SOBP: variants seen among roughly 807,000 people sequenced by gnomAD.
SOBP encodes sine oculis-binding protein homolog.
A neutral mutation model predicts 53.6 loss-of-function variants in SOBP; 4 were observed. That is an observed-to-expected ratio of 0.07 (90% CI 0.04 to 0.17). The LOEUF is 0.17. SOBP is among the 10% of genes least tolerant of loss of function. The probability of loss-of-function intolerance (pLI) is 1.00; values close to 1 mark genes in which losing one functional copy is unlikely to be tolerated. For synonymous variants in SOBP, 584 were observed against 522.6 expected (o/e 1.12, Z -1.60); for missense variants, 1,088 against 1,204.7 (o/e 0.90, Z 1.43).
At chr6:107,504,335 G>A (rs1782922889) in intron 2 of SOBP, among the ~76,000 whole-genome samples, 1 of 152,192 alleles carries the variant, frequency 6.6e-6, no homozygotes, top group African/African-American at 2.4e-5. Flanking sequence ...GAGTAAGAGA[G>A]TGGTAGATGA....
chr6:107,533,273 A>G (rs867130923), intron 3 of SOBP, among the ~76,000 whole-genome samples, 186 bp from the exon 4 acceptor site: 14 of 117,924 alleles, frequency 1.2e-4, no homozygotes, highest in African/African-American at 6.2e-4. Flanking sequence ...TTAGGAGCCA[A>G]AAAAAAAAAA....
intron 5 of SOBP, among the ~76,000 whole-genome samples, chr6:107,614,852 GC>G (rs1188061733): frequency 6.6e-6 from 1 of 152,188 alleles, no homozygotes; most frequent in Non-Finnish European, 1.5e-5. Context: ...TTTAAAATAT[GC>G]CCCTCCTTGT....
At chr6:107,624,292 C>T (rs1484104718) in intron 5 of SOBP, among the ~76,000 whole-genome samples, 1 of 152,156 alleles carries the variant, frequency 6.6e-6, no homozygotes, top group Admixed American at 6.5e-5. Flanking sequence ...TTAAGAGGGG[C>T]ATTAACAAGG....
At chr6:107,578,696 G>A (rs1272873557) in intron 4 of SOBP, among the ~76,000 whole-genome samples, 1 of 152,194 alleles carries the variant, frequency 6.6e-6, no homozygotes, top group Non-Finnish European at 1.5e-5. Flanking sequence ...TGCAAGAAAA[G>A]CTGTAGAAAT....
intron 4 of SOBP, among the ~76,000 whole-genome samples, chr6:107,576,177 T>C (rs1314178550): frequency 1.3e-5 from 2 of 152,204 alleles, no homozygotes; most frequent in East Asian, 1.9e-4. Context: ...CAAAATCATG[T>C]TTGAACTTCA....
intron 3 of SOBP, chr6:107,514,977 T>C (rs1199494093): frequency 6.6e-6 from 1 of 152,198 alleles, no homozygotes; most frequent in African/African-American, 2.4e-5. Flanking sequence ...TTTGAACAAA[T>C]AGTGAATGAA....
intron 4 of SOBP, among the ~76,000 whole-genome samples, chr6:107,542,767 T>G (rs907766124): frequency 9.2e-5 from 13 of 140,798 alleles, no homozygotes; most frequent in African/African-American, 2.9e-4. Context: ...GTGTGTTTTG[T>G]TTTTTTTTTG....
chr6:107,505,615 G>A (rs953598186), intron 2 of SOBP, among the ~76,000 whole-genome samples: 6 of 151,426 alleles, frequency 4.0e-5, no homozygotes, highest in Admixed American at 6.6e-5. Context: ...GAGCCACTGC[G>A]CCTAGTCACC....
At chr6:107,520,677 G>T (rs1447815153) in intron 3 of SOBP, among the ~76,000 whole-genome samples, 4 of 152,202 alleles carry the variant, frequency 2.6e-5, no homozygotes, top group African/African-American at 7.2e-5. Context: ...CTTGTTAGAG[G>T]GTGGCCGTGT....
At chr6:107,518,072 G>A (rs1783372818) in intron 3 of SOBP, among the ~76,000 whole-genome samples, 2 of 152,092 alleles carry the variant, frequency 1.3e-5, no homozygotes, top group South Asian at 4.1e-4. Context: ...GCAAATCACT[G>A]AGTACCAGAT....
intron 1 of SOBP, among the ~76,000 whole-genome samples, chr6:107,491,313 C>G (rs1001252184): frequency 4.6e-5 from 7 of 152,222 alleles, no homozygotes; most frequent in Non-Finnish European, 1.0e-4. Context: ...TGGCAGCCTC[C>G]GCCTCCCGCT....
intron 4 of SOBP, among the ~76,000 whole-genome samples, chr6:107,552,546 A>G (rs77612939): frequency 1.3e-5 from 2 of 152,100 alleles, no homozygotes; most frequent in Admixed American, 6.6e-5. Flanking sequence ...AGCCTGGACC[A>G]AAGGGGAGGA....
At chr6:107,614,061 C>T (rs1407814151) in intron 5 of SOBP, among the ~76,000 whole-genome samples, 4 of 152,188 alleles carry the variant, frequency 2.6e-5, no homozygotes, top group Non-Finnish European at 5.9e-5. Flanking sequence ...AAGTGTAAGG[C>T]AGAGCAGCCT....
intron 3 of SOBP, among the ~76,000 whole-genome samples, chr6:107,521,111 C>A (rs1783473308): frequency 6.7e-6 from 1 of 148,254 alleles, no homozygotes; most frequent in East Asian, 1.9e-4. Context: ...CCAAATGTCC[C>A]CTGGGGGCCA....
chr6:107,534,516 C>G (rs775263775), intron 4 of SOBP, among the ~76,000 whole-genome samples: 3 of 152,022 alleles, frequency 2.0e-5, no homozygotes, highest in Non-Finnish European at 2.9e-5. Flanking sequence ...ATACAAGATC[C>G]AAATCTGTTC....
At chr6:107,537,463 T>C (rs1311374396) in intron 4 of SOBP, among the ~76,000 whole-genome samples, 2 of 152,242 alleles carry the variant, frequency 1.3e-5, no homozygotes, top group East Asian at 3.8e-4. Flanking sequence ...GGAATGTTGA[T>C]AATTTACAAG....
In SOBP at chr6:107,633,665, G is replaced by A; in HGVS notation, c.821G>A (p.Gly274Glu). The A allele has an allele frequency of 6.2e-7, 1 of 1,614,202 alleles. No individual in the cohort carries two copies. Among genetic ancestry groups the A allele is most frequent in the Non-Finnish European group, 8.5e-7 (1 of 1,180,040 alleles). Residue 274 changes from glycine to glutamate, a missense_variant, in exon 6 of 7, where the codon GGG becomes GAG. Physicochemically the swap from Gly to Glu is moderately conservative, Grantham distance 98. Transcript: ENST00000317357. Reference protein sequence around the residue: ...YKETQANLPAGLCSTLHPPME... With the variant: ...YKETQANLPAELCSTLHPPME... ...GAGACCCAGGCCAATCTTCCAGCTG[G>A]GCTGTGCAGCACATTACACCCTCCC...
chr6:107,501,113 A>G (rs1782834893), intron 1 of SOBP, among the ~76,000 whole-genome samples: 1 of 152,252 alleles, frequency 6.6e-6, no homozygotes, highest in Non-Finnish European at 1.5e-5. Context: ...TGACATTTAT[A>G]GTAACTTGAA....
intron 5 of SOBP, among the ~76,000 whole-genome samples, chr6:107,600,259 C>A (rs1192723526): frequency 3.3e-5 from 5 of 152,148 alleles, no homozygotes; most frequent in African/African-American, 1.2e-4. Flanking sequence ...TTTCCTCCTA[C>A]GGGAATGGGA....
Sources: allele counts gnomAD v4.1 joint callset (sites outside exome capture counted in the v4.1 genomes callset), GRCh38; gene constraint gnomAD v4.1.1; transcripts MANE v1.5; gene names NCBI Gene and HGNC (gene_info 2026-07-23, HGNC 2026-07-21).